FAM240A: variants seen among roughly 807,000 people sequenced by gnomAD.
The protein encoded by FAM240A is family with sequence similarity 240 member A, also known as protein FAM240A.
FAM240A carries 8 observed loss-of-function variants against 7.3 expected under a neutral mutation model. That is an observed-to-expected ratio of 1.09 (90% CI 0.64 to 1.97). FAM240A has a LOEUF of 1.97. Among genes scored for constraint, FAM240A ranks in the 30% most tolerant of loss-of-function variants. The pLI is 0.00. For missense variants in FAM240A, 90 were observed against 102.2 expected, an observed-to-expected ratio of 0.88 and a Z score of 0.52; for synonymous variants, 32 against 35.9, an observed-to-expected ratio of 0.89 and a Z score of 0.38.
intron 2 of FAM240A, among the ~76,000 whole-genome samples, chr3:46,620,924 A>C (rs190043404): frequency 4.1e-4 from 63 of 152,350 alleles, no homozygotes; most frequent in South Asian, 6.2e-4. Context: ...ATTTAAGGAC[A>C]AAATAGCTAA....
intron 1 of FAM240A, among the ~76,000 whole-genome samples, chr3:46,613,849 AG>A (rs749929384): frequency 1.3e-5 from 2 of 152,288 alleles, no homozygotes; most frequent in Non-Finnish European, 2.9e-5. Flanking sequence ...TCCCCTGAGG[AG>A]GGGCCCTGTC....
chr3:46,620,190 G>A (rs1474658164), intron 2 of FAM240A, among the ~76,000 whole-genome samples: 1 of 151,536 alleles, frequency 6.6e-6, no homozygotes, highest in Non-Finnish European at 1.5e-5. Flanking sequence ...GTCAACAGGA[G>A]ATGAGAGGAC....
intron 1 of FAM240A, among the ~76,000 whole-genome samples, chr3:46,615,869 C>G (rs1224401362): frequency 6.6e-6 from 1 of 152,024 alleles, no homozygotes; most frequent in Non-Finnish European, 1.5e-5. Flanking sequence ...CACACACACA[C>G]CTCAAAGCAG....
chr3:46,625,299 C>G lies in FAM240A; in HGVS notation c.*81C>G. 2 of 987,412 alleles carry G rather than the reference C, an allele frequency of 2.0e-6. No individual in the cohort carries two copies. The highest frequency in any genetic ancestry group is 3.0e-6 in the Non-Finnish European group (2 of 660,556). The allele number at this position is 987,412 out of a possible 1,614,324, so 61.2% of individuals were successfully genotyped here. On this transcript the variant is annotated 3_prime_UTR_variant, in exon 3 of 3. Transcript: ENST00000640551. The stretch of plus-strand genomic sequence containing the variant: ...GAAGTCAGTGCAAATTCCTGAGTCC[C>G]TTTGCTATACCAATCAGCTCTCACA...
chr3:46,617,013 C>T (rs1221162687), intron 1 of FAM240A, among the ~76,000 whole-genome samples, 170 bp from the exon 2 acceptor site: 1 of 75,658 alleles, frequency 1.3e-5, no homozygotes, highest in East Asian at 4.6e-4. Context: ...GCATCTGCAC[C>T]AACACCTATT....
chr3:46,625,009 T>C, intron 2 of FAM240A, 119 bp from the exon 3 acceptor site: 1 of 478,692 alleles, frequency 2.1e-6, no homozygotes, highest in Non-Finnish European at 3.6e-6. Context: ...TCTGCATGCC[T>C]TTTAAAACCT....
At chr3:46,619,307 G>C (rs57020119) in intron 2 of FAM240A, among the ~76,000 whole-genome samples, 7 of 152,270 alleles carry the variant, frequency 4.6e-5, no homozygotes, top group African/African-American at 1.7e-4. Context: ...CACCCTTTTG[G>C]GTCCCTGGGG....
chr3:46,624,500 G>A (rs947264772), intron 2 of FAM240A, among the ~76,000 whole-genome samples: 2 of 151,968 alleles, frequency 1.3e-5, no homozygotes, highest in African/African-American at 4.8e-5. Context: ...TCGAACTCCT[G>A]ACCTTGTGAT....
intron 2 of FAM240A, among the ~76,000 whole-genome samples, chr3:46,618,882 T>TACACAC (rs748467427): frequency 6.5e-5 from 5 of 77,252 alleles, no homozygotes; most frequent in Middle Eastern, 6.0e-3. Context: ...TATATATATA[T>TACACAC]ACACACACAC....
At position 46,625,543 on chromosome 3, in the gene FAM240A, C is replaced by CA. The variant is rs1267428549; in HGVS notation, c.*326dup. ...ATCCAAATATTTTAAACTCTAAACA[C>CA]ACCAAGAGGAATCCTCAACCTTCAT... On this transcript the variant is annotated 3_prime_UTR_variant, in exon 3 of 3. Coordinates refer to ENST00000640551, the MANE Select transcript of FAM240A (RefSeq NM_001195442.2). 2 of 163,072 alleles carry CA rather than the reference C, an allele frequency of 1.2e-5. No individual in the cohort carries two copies. The highest frequency in any genetic ancestry group is 3.4e-4 in the East Asian group (2 of 5,838). The allele number at this position is 163,072 out of a possible 1,614,324, so 10.1% of individuals were successfully genotyped here. A position where few individuals can be genotyped will look rare whatever the true frequency, so the allele number is the denominator to read the frequency against.
intron 1 of FAM240A, among the ~76,000 whole-genome samples, chr3:46,615,068 C>G (rs17222065): frequency 0.085 from 13,004 of 152,176 alleles, 560 homozygotes; most frequent in Middle Eastern, 0.13. Flanking sequence ...AGAAAACTGA[C>G]GCCAGGAGAA....
intron 2 of FAM240A, among the ~76,000 whole-genome samples, chr3:46,624,857 G>T (rs9880885): frequency 0.11 from 16,920 of 151,676 alleles, 1,165 homozygotes; most frequent in East Asian, 0.33. Context: ...CTCCCTGACT[G>T]CAAATATATT....
At chr3:46,622,425 G>A (rs116181656) in intron 2 of FAM240A, among the ~76,000 whole-genome samples, 1,809 of 152,130 alleles carry the variant, frequency 0.012, 31 homozygotes, top group African/African-American at 0.038. Context: ...TTCTTTTACA[G>A]ATTTTGCTTT....
In FAM240A at chr3:46,625,091, T is replaced by A. The variant is rs1267847830; in HGVS notation, c.162-37T>A. On this transcript the variant is annotated intron_variant, in intron 2 of 2. Coordinates refer to ENST00000640551, the MANE Select transcript of FAM240A (RefSeq NM_001195442.2). ...TCTCCTGAACCAAGAGCCATGGAAATGAATGCTCCATCTGTGTGTTTGGTT... is the reference window on the plus strand; with the variant it reads ...TCTCCTGAACCAAGAGCCATGGAAAAGAATGCTCCATCTGTGTGTTTGGTT... 2.1e-6 allele frequency: 3 copies of A among 1,442,244 alleles called. 1 individual carries two copies. In the South Asian group the frequency reaches 3.7e-5, roughly 18 times the overall value. 89.3% of individuals were successfully genotyped at this position (1,442,244 alleles called of 1,614,324 possible). A position where few individuals can be genotyped will look rare whatever the true frequency, so the allele number is the denominator to read the frequency against.
At chr3:46,620,508 A>G (rs1697682499) in intron 2 of FAM240A, among the ~76,000 whole-genome samples, 1 of 151,526 alleles carries the variant, frequency 6.6e-6, no homozygotes, top group Non-Finnish European at 1.5e-5. Context: ...CAAAAAAAAA[A>G]AAAAATCCGG....
rs71098423 is a variant in FAM240A at position 46,613,527 on chromosome 3, A to AT, written c.15+829_15+830insT. Among the ~76,000 whole-genome samples, 707 of 150,480 alleles carry AT rather than the reference A, an allele frequency of 4.7e-3. 5 individuals carry two copies. The highest frequency in any genetic ancestry group is 0.016 in the African/African-American group (663 of 41,014). ...AATAAATAAATAAATAAATAAATAA[A>AT]AAACAAGACACAGAACATTTCCATT... On this transcript the variant is annotated intron_variant, in intron 1 of 2. Transcript: ENST00000640551.
chr3:46,616,690 T>TACACACACACACAC (rs3087116), intron 1 of FAM240A, among the ~76,000 whole-genome samples: 20 of 143,552 alleles, frequency 1.4e-4, no homozygotes, highest in Non-Finnish European at 2.0e-4. Context: ...AGTATTCCAT[T>TACACACACACACAC]ACACACACAC....
At chr3:46,615,396 C>T (rs1013039328) in intron 1 of FAM240A, among the ~76,000 whole-genome samples, 6 of 152,298 alleles carry the variant, frequency 3.9e-5, no homozygotes, top group Non-Finnish European at 8.8e-5. Flanking sequence ...GACACCCCTT[C>T]TCCTTCATTT....
At chr3:46,617,598 G>A (rs981404682) in intron 2 of FAM240A, among the ~76,000 whole-genome samples, 2 of 152,180 alleles carry the variant, frequency 1.3e-5, no homozygotes, top group African/African-American at 4.8e-5. Context: ...GGGCATCTTA[G>A]AGGAGGTAAT....
Sources: gnomAD v4.1 joint callset for allele counts (sites outside exome capture counted in the v4.1 genomes callset) on GRCh38, gnomAD v4.1.1 for gene constraint, MANE v1.5 for transcripts, NCBI Gene and HGNC (gene_info 2026-07-23, HGNC 2026-07-21) for gene names.